Variants in S100A11 observed in about 807,000 individuals in gnomAD.
S100A11 encodes protein S100-A11.
Under a neutral mutation model 7.4 loss-of-function variants are expected in S100A11, and 5 were observed. The ratio of observed to expected loss-of-function variants is 0.68; its 90% CI spans 0.35 to 1.42. The LOEUF is 1.42. Among genes scored for constraint, S100A11 ranks in the 40% most tolerant of loss-of-function variants. The pLI, the probability that S100A11 is intolerant of heterozygous loss-of-function variation, is 0.04. For synonymous variants in S100A11, 47 were observed against 46.6 expected (o/e 1.01, Z -0.04); for missense variants, 96 against 125.0 (o/e 0.77, Z 1.11).
Position 152,036,964 on chromosome 1 carries a change from G to T in S100A11, c.-49C>A. 1 of 1,612,460 alleles carries T rather than the reference G, an allele frequency of 6.2e-7. No individual in the cohort carries two copies. Among genetic ancestry groups the T allele is most frequent in the Non-Finnish European group, 8.5e-7 (1 of 1,179,542 alleles). On this transcript the variant is annotated 5_prime_UTR_variant, in exon 1 of 3. Coordinates refer to ENST00000271638, the MANE Select transcript of S100A11 (RefSeq NM_005620.2). ...AGGCTGTGGCTGGGAGCGGCGCTGA[G>T]AGCTCTGTGCGCGCGGCGTGCGGGT...
In S100A11 at chr1:152,036,925, G is replaced by C. The variant is rs376966919; in HGVS notation, c.-10C>G. 3.2e-5 allele frequency: 52 copies of C among 1,613,546 alleles called. No individual in the cohort carries two copies. The African/African-American group carries it at 6.5e-4, about 20-fold the overall frequency. Reference sequence around the variant, plus strand: ...AAGTGAGGCTTACCATGTTGGAGCTGAGCGAGGCGCGGGAGGCTGTGGCTG... The same window carrying C: ...AAGTGAGGCTTACCATGTTGGAGCTCAGCGAGGCGCGGGAGGCTGTGGCTG... On this transcript the variant is annotated 5_prime_UTR_variant, in exon 1 of 3. Coordinates refer to ENST00000271638, the MANE Select transcript of S100A11 (RefSeq NM_005620.2).
rs750592876 is a variant in S100A11 at position 152,033,827 on chromosome 1, C to T, written c.4-27G>A. On this transcript the variant is annotated intron_variant, in intron 1 of 2. Transcript: ENST00000271638. The surrounding 1 kb of genome is among the most constrained non-coding windows in gnomAD (Gnocchi z 4.0). ...TTTGGAGAAAAAAAATTGCAGGGCT[C>T]AGACAAGGGAAGATGTCAAGGCTGG... 1.2e-6 allele frequency: 2 copies of T among 1,609,234 alleles called. No individual in the cohort carries two copies. Among genetic ancestry groups the T allele is most frequent in the Admixed American group, 1.7e-5 (1 of 59,998 alleles).
intron 1 of S100A11, among the ~76,000 whole-genome samples, chr1:152,035,644 G>A (rs1656816429): frequency 1.3e-5 from 2 of 152,184 alleles, no homozygotes; most frequent in African/African-American, 4.8e-5. Context: ...CTTTGGAGAT[G>A]GGTCCTGAGG....
rs1656767186 is a variant in S100A11, at chr1:152,032,834, A to G, written c.157-11T>C. ...AGGGTCCTTCTGGTTCTGCAGAGAA[A>G]ATAATAATTACACCTTTATATCGCA... On this transcript the variant is annotated splice_polypyrimidine_tract_variant and intron_variant, in intron 2 of 2. Coordinates refer to ENST00000271638, the MANE Select transcript of S100A11 (RefSeq NM_005620.2). 3 of 1,592,912 alleles carry G rather than the reference A, an allele frequency of 1.9e-6. No homozygotes were observed. Among genetic ancestry groups the G allele is most frequent in the Non-Finnish European group, 2.6e-6 (3 of 1,166,624 alleles).
intron 1 of S100A11, among the ~76,000 whole-genome samples, chr1:152,034,706 G>A (rs762894403): frequency 1.3e-5 from 2 of 152,214 alleles, no homozygotes; most frequent in East Asian, 1.9e-4. Context: ...CCAAAAGTGA[G>A]GAGCTGTTGG....
At position 152,036,961 on chromosome 1, in the gene S100A11, T is replaced by A; in HGVS notation, c.-46A>T. 1 of 1,612,554 alleles carries A rather than the reference T, an allele frequency of 6.2e-7. No individual in the cohort carries two copies. Among genetic ancestry groups the A allele is most frequent in the Middle Eastern group, 1.8e-4 (1 of 5,608 alleles). ...GGGAGGCTGTGGCTGGGAGCGGCGC[T>A]GAGAGCTCTGTGCGCGCGGCGTGCG... On this transcript the variant is annotated 5_prime_UTR_variant, in exon 1 of 3. Coordinates refer to ENST00000271638, the MANE Select transcript of S100A11 (RefSeq NM_005620.2).
At chr1:152,036,709 T>TAGGCGGCCACCCC (rs1553189239) in intron 1 of S100A11, among the ~76,000 whole-genome samples, 1 of 151,888 alleles carries the variant, frequency 6.6e-6, no homozygotes, top group African/African-American at 2.4e-5. Context: ...GCTGCTACCC[T>TAGGCGGCCACCCC]AGGCGGCCAC....
rs532690406 is a variant in S100A11, at chr1:152,036,249, A to C, written c.3+664T>G. On this transcript the variant is annotated intron_variant, in intron 1 of 2. Transcript: ENST00000271638. ...ATGAGTTCAACTGGGAGATGAAAGGAGATAAGAAGAGAAAAATAAGTTACG... is the reference window on the plus strand; with the variant it reads ...ATGAGTTCAACTGGGAGATGAAAGGCGATAAGAAGAGAAAAATAAGTTACG... 4.6e-5 allele frequency among the ~76,000 whole-genome samples: 7 copies of C among 152,186 alleles called. No homozygotes were observed. The South Asian group carries it at 1.5e-3, about 32-fold the overall frequency.
rs1656784186 is a variant in S100A11, at chr1:152,033,814, A to G, written c.4-14T>C. 6.2e-7 allele frequency: 1 copy of G among 1,613,322 alleles called. No homozygotes were observed. The highest frequency in any genetic ancestry group is 2.2e-5 in the East Asian group (1 of 44,880). ...GGAGATTTTTGCCTTTGGAGAAAAA[A>G]AATTGCAGGGCTCAGACAAGGGAAG... On this transcript the variant is annotated splice_polypyrimidine_tract_variant and intron_variant, in intron 1 of 2. Coordinates refer to ENST00000271638, the MANE Select transcript of S100A11 (RefSeq NM_005620.2). This position sits in a 1 kb window ranked among gnomAD's most constrained non-coding sequence, Gnocchi z 4.0.
intron 1 of S100A11, among the ~76,000 whole-genome samples, chr1:152,034,814 G>T (rs1656803434): frequency 6.6e-6 from 1 of 152,194 alleles, no homozygotes; most frequent in Admixed American, 6.5e-5. Flanking sequence ...CGTTAACAAT[G>T]ATTTATGTTT....
Position 152,032,833 on chromosome 1 carries a change from AAAT to A in S100A11, c.157-13_157-11del. The A allele has an allele frequency of 6.3e-7, 1 of 1,595,120 alleles. No homozygotes were observed. The highest frequency in any genetic ancestry group is 8.6e-7 in the Non-Finnish European group (1 of 1,168,014). ...CAGGGTCCTTCTGGTTCTGCAGAGAAAATAATAATTACACCTTTATATCGCATC... is the reference window on the plus strand; with the variant it reads ...CAGGGTCCTTCTGGTTCTGCAGAGAAAATAATTACACCTTTATATCGCATC... On this transcript the variant is annotated splice_polypyrimidine_tract_variant and intron_variant, in intron 2 of 2. Transcript: ENST00000271638.
chr1:152,033,547 G>A lies in S100A11; in HGVS notation c.156+101C>T. On this transcript the variant is annotated intron_variant, in intron 2 of 2. Coordinates refer to ENST00000271638, the MANE Select transcript of S100A11 (RefSeq NM_005620.2). This position sits in a 1 kb window ranked among gnomAD's most constrained non-coding sequence, Gnocchi z 4.0. ...GAGTGAGTTAAAATGAAGCAAGAGT[G>A]TGGGGTGTCAGTTGCTGCTCCTTCA... 9.4e-7 allele frequency: 1 copy of A among 1,065,398 alleles called. No homozygotes were observed. Among genetic ancestry groups the A allele is most frequent in the Non-Finnish European group, 1.4e-6 (1 of 700,738 alleles). 66.0% of individuals were successfully genotyped at this position (1,065,398 alleles called of 1,614,324 possible).
rs1432952672 is a variant in S100A11, at chr1:152,033,134, T to C, written c.157-311A>G. 6.6e-6 allele frequency among the ~76,000 whole-genome samples: 1 copy of C among 152,220 alleles called. No individual in the cohort carries two copies. The highest frequency in any genetic ancestry group is 1.5e-5 in the Non-Finnish European group (1 of 68,034). On this transcript the variant is annotated intron_variant, in intron 2 of 2. Coordinates refer to ENST00000271638, the MANE Select transcript of S100A11 (RefSeq NM_005620.2). This position sits in a 1 kb window ranked among gnomAD's most constrained non-coding sequence, Gnocchi z 4.0. ...ATGCAACTCCAATAGATAAACTATATAAAAGTACAGCGGGTTCAGGTGGAA... is the reference window on the plus strand; with the variant it reads ...ATGCAACTCCAATAGATAAACTATACAAAAGTACAGCGGGTTCAGGTGGAA...
rs751188582 is a variant in S100A11 at position 152,033,756 on chromosome 1, G to T, written c.48C>A (p.Ser16=). The change falls in exon 2 of 3, where the codon TCC becomes TCA. Residue 16 remains serine, a synonymous_variant. Coordinates refer to ENST00000271638, the MANE Select transcript of S100A11 (RefSeq NM_005620.2). This position sits in a 1 kb window ranked among gnomAD's most constrained non-coding sequence, Gnocchi z 4.0. ...CATACTTCTGGAAGACAGCAATCAG[G>T]GACTCGATGCACCGCTCAGTCTCTG... ...SPTETERCIE[S]LIAVFQKYAG... is the part of the protein sequence containing the mutation. 3 of 1,613,800 alleles carry T rather than the reference G, an allele frequency of 1.9e-6. No individual in the cohort carries two copies. Among genetic ancestry groups the T allele is most frequent in the African/African-American group, 1.3e-5 (1 of 75,010 alleles).
rs991738771 is a variant in S100A11, at chr1:152,033,355, T to C, written c.156+293A>G. 2.6e-5 allele frequency among the ~76,000 whole-genome samples: 4 copies of C among 152,256 alleles called. No individual in the cohort carries two copies. The highest frequency in any genetic ancestry group is 7.2e-5 in the African/African-American group (3 of 41,470). ...AGACACATGTGGCTGGTGGCTACCATGTTGGATAGAGCAGATATAGAATGT... is the reference window on the plus strand; with the variant it reads ...AGACACATGTGGCTGGTGGCTACCACGTTGGATAGAGCAGATATAGAATGT... On this transcript the variant is annotated intron_variant, in intron 2 of 2. Transcript: ENST00000271638. This position sits in a 1 kb window ranked among gnomAD's most constrained non-coding sequence, Gnocchi z 4.0.
chr1:152,032,961 C>T, intron 2 of S100A11, 138 bp from the exon 3 acceptor site: 1 of 744,654 alleles, frequency 1.3e-6, no homozygotes, highest in Non-Finnish European at 2.1e-6. Flanking sequence ...GATGCAGAAA[C>T]AGACTAAAAG....
intron 1 of S100A11, among the ~76,000 whole-genome samples, chr1:152,036,330 C>T (rs1052381985): frequency 6.6e-5 from 10 of 152,162 alleles, no homozygotes; most frequent in African/African-American, 2.4e-4. Context: ...GGAGAGGGCT[C>T]AGCTGGGACC....
Position 152,033,455 on chromosome 1 carries a change from A to G in S100A11, c.156+193T>C, listed in dbSNP as rs1435581867. On this transcript the variant is annotated intron_variant, in intron 2 of 2. Coordinates refer to ENST00000271638, the MANE Select transcript of S100A11 (RefSeq NM_005620.2). This position sits in a 1 kb window ranked among gnomAD's most constrained non-coding sequence, Gnocchi z 4.0. Reference sequence around the variant, plus strand: ...CTGGGGTAGAATAATGAAATTTGAAAATAATTCCATTACGTCATATACCAT... The same window carrying G: ...CTGGGGTAGAATAATGAAATTTGAAGATAATTCCATTACGTCATATACCAT... 6.6e-6 allele frequency among the ~76,000 whole-genome samples: 1 copy of G among 152,220 alleles called. No homozygotes were observed. The highest frequency in any genetic ancestry group is 2.4e-5 in the African/African-American group (1 of 41,448).
Position 152,032,530 on chromosome 1 carries a change from G to A in S100A11, c.*132C>T, listed in dbSNP as rs1656759126. 1 of 697,526 alleles carries A rather than the reference G, an allele frequency of 1.4e-6. No individual in the cohort carries two copies. The highest frequency in any genetic ancestry group is 2.7e-5 in the Admixed American group (1 of 36,550). 43.2% of individuals were successfully genotyped at this position (697,526 alleles called of 1,614,324 possible). ...GTTCATGTTTTAAAAAAGTGACATT[G>A]CTTTATTACTATTGGCAGGTGGGGC... is the stretch of plus-strand genomic sequence containing the variant. On this transcript the variant is annotated 3_prime_UTR_variant, in exon 3 of 3. Transcript: ENST00000271638.
Sources: gnomAD v4.1 joint callset for allele counts (sites outside exome capture counted in the v4.1 genomes callset) on GRCh38, gnomAD v4.1.1 for gene constraint, Gnocchi (gnomAD v3.1) non-coding constraint, MANE v1.5 for transcripts, NCBI Gene and HGNC (gene_info 2026-07-23, HGNC 2026-07-21) for gene names.